The following PKP3 variants were observed in gnomAD, a reference collection of about 807,000 sequenced individuals.
PKP3 encodes plakophilin 3, also known as plakophilin-3.
PKP3 carries 66 observed loss-of-function variants against 76.5 expected under a neutral mutation model. The observed-to-expected ratio is 0.86, with a 90% CI of 0.71 to 1.06. PKP3 has a LOEUF of 1.06. Ranked by LOEUF, PKP3 falls within the 50% of genes least tolerant of loss-of-function variation. PKP3 has a pLI of 0.00. For missense variants in PKP3, 1,338 were observed against 1,141.0 expected (o/e 1.17, Z -2.49); for synonymous variants, 638 against 516.5 (o/e 1.24, Z -3.19).
rs1205187466 is a variant in PKP3 at position 400,405 on chromosome 11, T to G, written c.1520T>G (p.Val507Gly). 4.5e-6 allele frequency: 7 copies of G among 1,548,764 alleles called. No individual in the cohort carries two copies. Among genetic ancestry groups the G allele is most frequent in the Non-Finnish European group, 6.1e-6 (7 of 1,146,116 alleles). Residue 507 changes from valine to glycine, a missense_variant, in exon 7 of 13, where the codon GTC (valine) becomes GGC (glycine). Physicochemically the swap from Val to Gly is moderately radical, Grantham distance 109 (BLOSUM62 -3). Coordinates refer to ENST00000331563, the MANE Select transcript of PKP3 (RefSeq NM_007183.4). ...RECHGLVDAL[V>G]TSINHALDAG... ...TGCCACGGGCTGGTGGACGCCCTGGTCACCTCTATCAACCACGCCCTGGAC... is the reference window on the plus strand; with the variant it reads ...TGCCACGGGCTGGTGGACGCCCTGGGCACCTCTATCAACCACGCCCTGGAC...
At position 396,813 on chromosome 11, in the gene PKP3, G is replaced by A. The variant is rs1847051841; in HGVS notation, c.313-1G>A. 1 of 1,580,708 alleles carries A rather than the reference G, an allele frequency of 6.3e-7. No individual in the cohort carries two copies. Among genetic ancestry groups the A allele is most frequent in the African/African-American group, 1.3e-5 (1 of 74,362 alleles). On this transcript the variant is annotated splice_acceptor_variant, in intron 2 of 12. Transcript: ENST00000331563. LOFTEE classifies it high-confidence loss of function. ...CCTCACCGCCCCCTCTCGACCCACA[G>A]GGCTTCCGGCCCATCGCCAAGCCGG...
intron 10 of PKP3, 22 bp from the exon 11 acceptor site, chr11:403,921 A>T: frequency 1.3e-6 from 2 of 1,580,562 alleles, no homozygotes; most frequent in Non-Finnish European, 1.7e-6. Flanking sequence ...AGGGGTGCAG[A>T]CTGACCCCCG....
Position 400,397 on chromosome 11 carries a change from C to T in PKP3, c.1512C>T (p.Asp504=), listed in dbSNP as rs1290967679. The change falls in exon 7 of 13, where the codon GAC becomes GAT. Residue 504 remains aspartate, a synonymous_variant. Coordinates refer to ENST00000331563, the MANE Select transcript of PKP3 (RefSeq NM_007183.4). ...QKMRECHGLV[D]ALVTSINHAL... is the part of the protein sequence containing the mutation. ...TGCGGGAGTGCCACGGGCTGGTGGA[C>T]GCCCTGGTCACCTCTATCAACCACG... The T allele has an allele frequency of 6.5e-7, 1 of 1,548,808 alleles. No homozygotes were observed. The highest frequency in any genetic ancestry group is 8.7e-7 in the Non-Finnish European group (1 of 1,146,174).
rs199853396 is a variant in PKP3, at chr11:403,712, G to A, written c.2018G>A (p.Arg673His). The change falls in exon 10 of 13, where the codon CGC (arginine) becomes CAC (histidine). Residue 673 changes from arginine to histidine, a missense_variant. Transcript: ENST00000331563. ...AGGACCGCCGACCACCACCAGCTGCGCTCACTGACTGGCCTCATCCGAAAC... is the reference window on the plus strand; with the variant it reads ...AGGACCGCCGACCACCACCAGCTGCACTCACTGACTGGCCTCATCCGAAAC... ...RVRTADHHQL[R>H]SLTGLIRNLS... The A allele has an allele frequency of 2.9e-5, 46 of 1,610,030 alleles. No homozygotes were observed. Among genetic ancestry groups the A allele is most frequent in the Admixed American group, 2.2e-4 (13 of 60,008 alleles).
intron 10 of PKP3, 58 bp downstream of exon 10, chr11:403,829 T>C: frequency 1.3e-6 from 2 of 1,594,916 alleles, no homozygotes; most frequent in Admixed American, 3.3e-5. Context: ...ATTTTGTCTT[T>C]AAGTGTGGGC....
intron 9 of PKP3, among the ~76,000 whole-genome samples, 167 bp from the exon 10 acceptor site, chr11:403,451 G>A (rs530678709): frequency 1.3e-4 from 20 of 152,286 alleles, no homozygotes; most frequent in African/African-American, 4.6e-4. Context: ...TTTGAAGGGA[G>A]GCACCTGATC....
chr11:392,704 G>C (rs1846990445), upstream of PKP3: 1 of 1,286,160 alleles, frequency 7.8e-7, no homozygotes, highest in Non-Finnish European at 1.0e-6. Flanking sequence ...CGGACCACGA[G>C]CCGGGTAGGT....
chr11:398,987 C>T lies in PKP3; in HGVS notation c.1069-5C>T, dbSNP rs572200726. On this transcript the variant is annotated splice_region_variant and splice_polypyrimidine_tract_variant and intron_variant, in intron 4 of 12. Coordinates refer to ENST00000331563, the MANE Select transcript of PKP3 (RefSeq NM_007183.4). ...CTGTGCACCCCCATATGCCTGTGCC[C>T]GCAGGCCCGCAGCCTTCAGGCCGTG... 2.4e-4 allele frequency: 367 copies of T among 1,558,188 alleles called. 2 individuals carry two copies. The highest frequency in any genetic ancestry group is 1.8e-3 in the South Asian group (150 of 83,242).
chr11:404,510 A>C lies in PKP3; in HGVS notation c.2359-24A>C. On this transcript the variant is annotated intron_variant, in intron 12 of 12. Coordinates refer to ENST00000331563, the MANE Select transcript of PKP3 (RefSeq NM_007183.4). The surrounding 1 kb of genome is among the most constrained non-coding windows in gnomAD (Gnocchi z 4.2). ...GCCACATGGGCAGACATGCACCCTG[A>C]CCTTGGGCCTCTCTCCACTGTAGAA... 1 of 1,611,752 alleles carries C rather than the reference A, an allele frequency of 6.2e-7. No individual in the cohort carries two copies. Among genetic ancestry groups the C allele is most frequent in the Non-Finnish European group, 8.5e-7 (1 of 1,179,112 alleles).
At chr11:403,476 T>C (rs1461299092) in intron 9 of PKP3, 142 bp from the exon 10 acceptor site, 5 of 868,350 alleles carry the variant, frequency 5.8e-6, no homozygotes, top group Non-Finnish European at 8.8e-6. Context: ...CTGCGGCTGA[T>C]TCCCCCCGGC....
intron 5 of PKP3, 148 bp downstream of exon 5, chr11:399,344 TCCTCCTCCCCCCCTCTGCCTTACC>T: frequency 7.0e-6 from 1 of 143,492 alleles, no homozygotes; most frequent in Non-Finnish European, 1.2e-5. Context: ...GCCCCCCTAC[TCCTCCTCCCCCCCTCTGCCTTACC>T]CCCCCACCTG....
chr11:403,349 G>A (rs1463909567), intron 9 of PKP3, 86 bp downstream of exon 9: 2 of 1,137,040 alleles, frequency 1.8e-6, no homozygotes, highest in African/African-American at 1.6e-5. Context: ...AGGGGAGGAG[G>A]AAGGGGACGC....
In PKP3 at chr11:397,137, C is replaced by A; in HGVS notation, c.636C>A (p.Ala212=). 6.3e-7 allele frequency: 1 copy of A among 1,598,032 alleles called. No individual in the cohort carries two copies. Among genetic ancestry groups the A allele is most frequent in the African/African-American group, 1.3e-5 (1 of 75,000 alleles). Residue 212 remains alanine, a synonymous_variant, in exon 3 of 13, where the codon GCC becomes GCA. Coordinates refer to ENST00000331563, the MANE Select transcript of PKP3 (RefSeq NM_007183.4). ...CCGCGGCCACCTCCACCTACAGGGC[C>A]TTTGCGTACGAGCGCCAGGCCAGCT... is the stretch of plus-strand genomic sequence containing the variant. ...LEPAATSTYR[A]FAYERQASSS... is the part of the protein sequence containing the mutation.
At chr11:395,609 G>A (rs1847035195) in intron 1 of PKP3, among the ~76,000 whole-genome samples, 1 of 152,206 alleles carries the variant, frequency 6.6e-6, no homozygotes, top group African/African-American at 2.4e-5. Context: ...CCCCACTCCG[G>A]GCTGGGCCTC....
chr11:403,493 G>A, intron 9 of PKP3, 125 bp from the exon 10 acceptor site: 1 of 996,808 alleles, frequency 1.0e-6, no homozygotes, highest in East Asian at 2.5e-5. Flanking sequence ...CGGCTGGGGG[G>A]CAAAGGCAGA....
chr11:397,931 A>G (rs1261465048), intron 4 of PKP3, among the ~76,000 whole-genome samples: 1 of 114,994 alleles, frequency 8.7e-6, no homozygotes, highest in African/African-American at 3.4e-5. Flanking sequence ...GTACCCCCAC[A>G]TATACCTCAT....
chr11:400,628 G>T lies in PKP3; in HGVS notation c.1660G>T (p.Gly554Cys), dbSNP rs999947330. Residue 554 changes from glycine (G) to cysteine (C), a missense_variant, in exon 8 of 13, where the codon GGC (glycine) becomes TGC (cysteine). Gly to Cys is a radical substitution (Grantham distance 159). Coordinates refer to ENST00000331563, the MANE Select transcript of PKP3 (RefSeq NM_007183.4). ...PSALQRLEGR[G>C]RRDLAGAPPG... is the part of the protein sequence containing the mutation. ...CGCGCTGCAGCGGCTGGAGGGTCGC[G>T]GCCGCAGGGACCTGGCGGGGGCGCC... The T allele has an allele frequency of 1.6e-5, 23 of 1,410,136 alleles. No homozygotes were observed. Among genetic ancestry groups the T allele is most frequent in the Non-Finnish European group, 2.1e-5 (23 of 1,091,204 alleles). 87.4% of individuals were successfully genotyped at this position (1,410,136 alleles called of 1,614,324 possible). A position where few individuals can be genotyped will look rare whatever the true frequency, so the allele number is the denominator to read the frequency against.
rs1847215917 is a variant in PKP3, at chr11:404,278, G to A, written c.2313G>A (p.Leu771=). The change falls in exon 12 of 13, where the codon CTG becomes CTA. Residue 771 remains leucine (L), a synonymous_variant. Transcript: ENST00000331563. The surrounding 1 kb of genome is among the most constrained non-coding windows in gnomAD (Gnocchi z 4.2). ...CCTCCCGGGCAGCATCCAGCCTCCTGGCCAACCTGTGGCAGTACAACAAGC... is the reference window on the plus strand; with the variant it reads ...CCTCCCGGGCAGCATCCAGCCTCCTAGCCAACCTGTGGCAGTACAACAAGC... The part of the protein sequence containing the change: ...EKSSRAASSL[L]ANLWQYNKLH... The A allele has an allele frequency of 6.2e-7, 1 of 1,612,646 alleles. No individual in the cohort carries two copies. Among genetic ancestry groups the A allele is most frequent in the Non-Finnish European group, 8.5e-7 (1 of 1,179,886 alleles).
chr11:394,204 A>C, upstream of PKP3: 2 of 1,381,570 alleles, frequency 1.4e-6, no homozygotes, highest in Non-Finnish European at 1.9e-6. Context: ...CTGGGCGGGG[A>C]CTTCAGGGAG....
Sources: gnomAD v4.1 joint callset for allele counts (sites outside exome capture counted in the v4.1 genomes callset) on GRCh38, gnomAD v4.1.1 for gene constraint, Gnocchi (gnomAD v3.1) non-coding constraint, MANE v1.5 for transcripts, NCBI Gene and HGNC (gene_info 2026-07-23, HGNC 2026-07-21) for gene names.